The following GRB2 variants were observed in gnomAD, a reference collection of about 807,000 sequenced individuals.
The protein encoded by GRB2 is growth factor receptor bound protein 2, also known as growth factor receptor-bound protein 2.
Under a neutral mutation model 27.4 loss-of-function variants are expected in GRB2, and 2 were observed. The ratio of observed to expected loss-of-function variants is 0.07; its 90% CI spans 0.03 to 0.23. The LOEUF (loss-of-function observed/expected upper bound fraction) is 0.23. Ranked by LOEUF, GRB2 falls within the 10% of genes least tolerant of loss-of-function variation. The pLI, the probability that GRB2 is intolerant of heterozygous loss-of-function variation, is 1.00. For missense variants in GRB2, 102 were observed against 282.4 expected (o/e 0.36, Z 4.58); for synonymous variants, 94 against 99.6 (o/e 0.94, Z 0.33).
At chr17:75,389,186 C>T (rs539526883) in intron 2 of GRB2, among the ~76,000 whole-genome samples, 10 of 152,302 alleles carry the variant, frequency 6.6e-5, no homozygotes, top group African/African-American at 2.4e-4. Flanking sequence ...TCCAACTCTA[C>T]CTTATTTTCC....
intron 3 of GRB2, among the ~76,000 whole-genome samples, chr17:75,326,834 A>C (rs1439470660): frequency 6.6e-6 from 1 of 152,228 alleles, no homozygotes; most frequent in Non-Finnish European, 1.5e-5. Context: ...CAAGAGCTTC[A>C]AGTCAAGCTG....
intron 4 of GRB2, 72 bp downstream of exon 4, chr17:75,325,826 C>T: frequency 6.6e-7 from 1 of 1,517,172 alleles, no homozygotes; most frequent in South Asian, 1.1e-5. Flanking sequence ...TAGCCAGGCA[C>T]CTGACCAACG....
chr17:75,327,528 G>A (rs1012540584), intron 3 of GRB2, among the ~76,000 whole-genome samples: 2 of 151,404 alleles, frequency 1.3e-5, no homozygotes, highest in African/African-American at 2.4e-5. Flanking sequence ...CCACCACCAC[G>A]CCCAGCTAAT....
intron 2 of GRB2, chr17:75,370,893 T>G (rs1323403460): frequency 6.6e-6 from 1 of 152,260 alleles, no homozygotes; most frequent in African/African-American, 2.4e-5. Flanking sequence ...TCATAGTTGA[T>G]CTTTCTTACC....
intron 2 of GRB2, among the ~76,000 whole-genome samples, chr17:75,343,330 C>T (rs2078634079): frequency 6.6e-6 from 1 of 152,088 alleles, no homozygotes; most frequent in Admixed American, 6.6e-5. Flanking sequence ...GAACAGTCTG[C>T]AAGACCTTGG....
chr17:75,385,520 A>G (rs186589950), intron 2 of GRB2, among the ~76,000 whole-genome samples: 1 of 152,340 alleles, frequency 6.6e-6, no homozygotes, highest in African/African-American at 2.4e-5. Flanking sequence ...CTGAGCAACA[A>G]GAGTGAAACT....
intron 2 of GRB2, among the ~76,000 whole-genome samples, chr17:75,336,884 T>C (rs1026629639): frequency 1.3e-5 from 2 of 152,198 alleles, no homozygotes; most frequent in Non-Finnish European, 2.9e-5. Flanking sequence ...ATTACAGGCA[T>C]GCGCCACTAT....
chr17:75,374,663 T>C (rs1162330431), intron 2 of GRB2, among the ~76,000 whole-genome samples: 9 of 151,838 alleles, frequency 5.9e-5, no homozygotes, highest in Non-Finnish European at 1.5e-5. Context: ...GGCACATGCC[T>C]GTAGTCCCAG....
chr17:75,324,507 G>GTTTTTTTTTT (rs767194304), intron 4 of GRB2, among the ~76,000 whole-genome samples: 372 of 36,616 alleles, frequency 0.01, 25 homozygotes, highest in East Asian at 0.029. Flanking sequence ...ACCGCACCCA[G>GTTTTTTTTTT]TTTTTTTTTT....
At chr17:75,358,049 C>G (rs1455385346) in intron 2 of GRB2, among the ~76,000 whole-genome samples, 1 of 152,186 alleles carries the variant, frequency 6.6e-6, no homozygotes, top group East Asian at 1.9e-4. Context: ...AGACGACATG[C>G]ATGAGCCACC....
chr17:75,321,933 A>G (rs900271035), intron 4 of GRB2, 106 bp from the exon 5 acceptor site: 50 of 1,079,540 alleles, frequency 4.6e-5, no homozygotes, highest in Non-Finnish European at 6.7e-6. Context: ...TCCCAGCAGC[A>G]CTCCTCAGGG....
intron 2 of GRB2, among the ~76,000 whole-genome samples, chr17:75,335,727 G>T (rs1036852127): frequency 3.9e-5 from 6 of 151,940 alleles, no homozygotes; most frequent in Non-Finnish European, 5.9e-5. Flanking sequence ...ATTAGCTAGT[G>T]GTAAATCCCA....
intron 2 of GRB2, among the ~76,000 whole-genome samples, chr17:75,354,602 C>G (rs777073078): frequency 6.6e-6 from 1 of 152,134 alleles, no homozygotes; most frequent in Non-Finnish European, 1.5e-5. Context: ...CTCGACCCCC[C>G]ACTTCCATGG....
chr17:75,369,690 C>A (rs1437145701), intron 2 of GRB2, among the ~76,000 whole-genome samples: 24 of 120,612 alleles, frequency 2.0e-4, no homozygotes, highest in Admixed American at 2.6e-4. Flanking sequence ...CCGTCTCCAC[C>A]AAAAAAAAAA....
At chr17:75,329,125 C>T (rs1431694855) in intron 3 of GRB2, among the ~76,000 whole-genome samples, 3 of 151,896 alleles carry the variant, frequency 2.0e-5, no homozygotes, top group Non-Finnish European at 2.9e-5. Flanking sequence ...CACATGGCCT[C>T]GGCTGGCTCT....
intron 2 of GRB2, among the ~76,000 whole-genome samples, chr17:75,362,782 T>C (rs1433001394): frequency 1.3e-5 from 2 of 152,196 alleles, no homozygotes; most frequent in Non-Finnish European, 2.9e-5. Context: ...CTAAGTACAA[T>C]GGTGTGTGGG....
chr17:75,385,467 G>A (rs2078958057), intron 2 of GRB2, among the ~76,000 whole-genome samples: 1 of 152,304 alleles, frequency 6.6e-6, no homozygotes, highest in South Asian at 2.1e-4. Flanking sequence ...AACCACGGAA[G>A]TGGAGGTTGC....
chr17:75,349,483 G>A (rs910952659), intron 2 of GRB2, among the ~76,000 whole-genome samples: 9 of 151,034 alleles, frequency 6.0e-5, no homozygotes, highest in Admixed American at 3.3e-4. Context: ...GGGCTGGTTC[G>A]AGCCTTCTGT....
intron 2 of GRB2, among the ~76,000 whole-genome samples, chr17:75,380,340 T>C (rs2078920122): frequency 1.0e-5 from 1 of 97,766 alleles, no homozygotes; most frequent in East Asian, 4.3e-4. Context: ...AACTAATAGC[T>C]TGTAGTAAAA....
Sources: allele counts gnomAD v4.1 joint callset (sites outside exome capture counted in the v4.1 genomes callset), GRCh38; gene constraint gnomAD v4.1.1; transcripts MANE v1.5; gene names NCBI Gene and HGNC (gene_info 2026-07-23, HGNC 2026-07-21).